The following APOBEC3D variants were observed in gnomAD, a reference collection of about 807,000 sequenced individuals.
The protein encoded by APOBEC3D is apolipoprotein B mRNA editing enzyme catalytic subunit 3D, also known as DNA dC->dU-editing enzyme APOBEC-3D.
APOBEC3D carries 37 observed loss-of-function variants against 45.6 expected under a neutral mutation model. The ratio of observed to expected loss-of-function variants is 0.81; its 90% CI spans 0.62 to 1.07. The LOEUF is 1.07. Ranked by LOEUF, APOBEC3D falls within the 50% of genes least tolerant of loss-of-function variation. The pLI is 0.00. For missense variants in APOBEC3D, 496 were observed against 495.3 expected, an observed-to-expected ratio of 1.00 and a Z score of -0.01; for synonymous variants, 175 against 180.7, an observed-to-expected ratio of 0.97 and a Z score of 0.25.
intron 6 of APOBEC3D, 43 bp downstream of exon 6, chr22:39,032,016 G>A (rs1569061521): frequency 1.9e-6 from 3 of 1,610,100 alleles, no homozygotes; most frequent in African/African-American, 1.3e-5. Context: ...GGGAGGGACA[G>A]CATGAGGGGC....
At chr22:39,024,348 C>A (rs1288347507) in intron 2 of APOBEC3D, among the ~76,000 whole-genome samples, 8 of 152,122 alleles carry the variant, frequency 5.3e-5, no homozygotes, top group Non-Finnish European at 1.0e-4. Context: ...AAGGCGGACC[C>A]CAGAGGGCCA....
chr22:39,025,587 G>A lies in APOBEC3D; in HGVS notation c.521G>A (p.Cys174Tyr), dbSNP rs201373761. 4.8e-5 allele frequency: 78 copies of A among 1,614,118 alleles called. No homozygotes were observed. The East Asian group carries it at 6.5e-4, about 13-fold the overall frequency. Reference sequence around the variant, plus strand: ...GCATACTGCTGGGAAAACTTTGTGTGCAATGAAGGTCAGCCATTCATGCCT... The same window carrying A: ...GCATACTGCTGGGAAAACTTTGTGTACAATGAAGGTCAGCCATTCATGCCT... ...DFAYCWENFV[C>Y]NEGQPFMPWY... The change falls in exon 4 of 7, where the codon TGC becomes TAC. Residue 174 changes from cysteine to tyrosine, a missense_variant. Physicochemically the swap from Cys to Tyr is radical, Grantham distance 194 (BLOSUM62 -2). Coordinates refer to ENST00000216099, the MANE Select transcript of APOBEC3D (RefSeq NM_152426.4).
Position 39,032,258 on chromosome 22 carries a change from A to C in APOBEC3D, c.1103A>C (p.Lys368Thr). ...GATGATGAGCCATTCAAGCCTTGGA[A>C]GGGACTACAAACCAACTTTCGACTT... The part of the protein sequence containing the change: ...YSDDEPFKPW[K>T]GLQTNFRLLK... Residue 368 changes from lysine (K) to threonine (T), a missense_variant, in exon 7 of 7, where the codon AAG (lysine) becomes ACG (threonine). Coordinates refer to ENST00000216099, the MANE Select transcript of APOBEC3D (RefSeq NM_152426.4). 1 of 1,614,176 alleles carries C rather than the reference A, an allele frequency of 6.2e-7. No homozygotes were observed.
At position 39,025,377 on chromosome 22, in the gene APOBEC3D, T is replaced by C. The variant is rs184060031; in HGVS notation, c.490+28T>C. The C allele has an allele frequency of 2.8e-3, 4,492 of 1,612,332 alleles. 14 individuals are homozygous for C. The highest frequency in any genetic ancestry group is 3.5e-3 in the Non-Finnish European group (4,071 of 1,178,878). On this transcript the variant is annotated intron_variant, in intron 3 of 6. Transcript: ENST00000216099. ...GAGAGGTGCAGGGGTCAGGGGAGCA[T>C]GACGGGGAGGAACAGCCTCAGAGAT...
At position 39,032,190 on chromosome 22, in the gene APOBEC3D, T is replaced by C; in HGVS notation, c.1043-8T>C. 1 of 1,613,642 alleles carries C rather than the reference T, an allele frequency of 6.2e-7. No homozygotes were observed. Among genetic ancestry groups the C allele is most frequent in the Non-Finnish European group, 8.5e-7 (1 of 1,179,718 alleles). ...GCCCTCACTGCTTTCTCCTTGTTTT[T>C]TTCTCAGATTTTGTATCTTGTTGGA... is the stretch of plus-strand genomic sequence containing the variant. On this transcript the variant is annotated splice_region_variant and splice_polypyrimidine_tract_variant and intron_variant, in intron 6 of 6. Transcript: ENST00000216099.
chr22:39,023,758 C>T (rs374795753), intron 2 of APOBEC3D, among the ~76,000 whole-genome samples: 4 of 152,018 alleles, frequency 2.6e-5, no homozygotes, highest in East Asian at 1.9e-4. Context: ...CTCCACTTCC[C>T]ACATTTCTTA....
At chr22:39,026,552 C>A (rs558010607) in intron 4 of APOBEC3D, among the ~76,000 whole-genome samples, 1 of 152,118 alleles carries the variant, frequency 6.6e-6, no homozygotes, top group Non-Finnish European at 1.5e-5. Flanking sequence ...CAGGGGTCCC[C>A]GTTCTGTGTG....
chr22:39,023,449 C>CT (rs202241274), intron 2 of APOBEC3D, among the ~76,000 whole-genome samples: 44,752 of 133,872 alleles, frequency 0.33, 8,136 homozygotes, highest in Middle Eastern at 0.41. Flanking sequence ...TTCTTTCTTT[C>CT]TTTTTTTTTT....
At chr22:39,027,417 G>A (rs1925783651) in intron 4 of APOBEC3D, among the ~76,000 whole-genome samples, 1 of 152,152 alleles carries the variant, frequency 6.6e-6, no homozygotes, top group African/African-American at 2.4e-5. Flanking sequence ...GGGCGTCCCT[G>A]GGATGATTCC....
chr22:39,026,016 G>T (rs1486444966), intron 4 of APOBEC3D, among the ~76,000 whole-genome samples: 10 of 152,298 alleles, frequency 6.6e-5, no homozygotes, highest in East Asian at 5.8e-4. Context: ...GGCATGAATA[G>T]TCACAAGCCC....
At chr22:39,032,091 C>T (rs73887535) in intron 6 of APOBEC3D, 107 bp from the exon 7 acceptor site, 11 of 1,580,924 alleles carry the variant, frequency 7.0e-6, no homozygotes, top group East Asian at 4.5e-5. Flanking sequence ...ATGGGGCCGG[C>T]GCCAGCTGCA....
At chr22:39,022,392 G>T (rs1925206051) in intron 1 of APOBEC3D, among the ~76,000 whole-genome samples, 1 of 150,826 alleles carries the variant, frequency 6.6e-6, no homozygotes, top group Non-Finnish European at 1.5e-5. Context: ...TTAGAAGAGA[G>T]GCCTGGGCCT....
intron 5 of APOBEC3D, among the ~76,000 whole-genome samples, chr22:39,030,992 C>A (rs552696353): frequency 6.6e-6 from 1 of 152,100 alleles, no homozygotes; most frequent in African/African-American, 2.4e-5. Context: ...ATGGTGAAAC[C>A]CTGTCTCTAC....
rs1925500031 is a variant in APOBEC3D at position 39,025,106 on chromosome 22, T to C, written c.247T>C (p.Phe83Leu). 2 of 1,595,010 alleles carry C rather than the reference T, an allele frequency of 1.3e-6. No individual in the cohort carries two copies. Among genetic ancestry groups the C allele is most frequent in the African/African-American group, 1.3e-5 (1 of 74,390 alleles). ...FRFENHAEMC[F>L]LSWFCGNRLP... The stretch of plus-strand genomic sequence containing the variant: ...GTTTGAGAACCACGCAGAAATGTGC[T>C]TCTTATCTTGGTTCTGTGGCAACCG... Residue 83 changes from phenylalanine (F) to leucine (L), a missense_variant, in exon 3 of 7, where the codon TTC becomes CTC. Transcript: ENST00000216099.
At chr22:39,021,797 C>T (rs533664689) in intron 1 of APOBEC3D, among the ~76,000 whole-genome samples, 51 of 152,356 alleles carry the variant, frequency 3.3e-4, no homozygotes, top group African/African-American at 9.1e-4. Context: ...CATGGCCAGG[C>T]CGGTGCTCCC....
intron 4 of APOBEC3D, among the ~76,000 whole-genome samples, chr22:39,028,334 G>C (rs1283616911): frequency 6.6e-6 from 1 of 152,264 alleles, no homozygotes; most frequent in African/African-American, 2.4e-5. Flanking sequence ...GCGATGCAGA[G>C]GCTGGACAGG....
At chr22:39,027,026 C>A (rs1267635156) in intron 4 of APOBEC3D, among the ~76,000 whole-genome samples, 1 of 152,036 alleles carries the variant, frequency 6.6e-6, no homozygotes, top group African/African-American at 2.4e-5. Context: ...GCTAGGAGCT[C>A]TCCAGGAAGC....
In APOBEC3D at chr22:39,021,186, C is replaced by T. The variant is rs1286686013; in HGVS notation, c.-334C>T. 19 of 253,660 alleles carry T rather than the reference C, an allele frequency of 7.5e-5. No individual in the cohort carries two copies. Among genetic ancestry groups the T allele is most frequent in the African/African-American group, 3.8e-4 (17 of 44,578 alleles). The allele number at this position is 253,660 out of a possible 1,614,324, so 15.7% of individuals were successfully genotyped here. On this transcript the variant is annotated 5_prime_UTR_variant, in exon 1 of 7. Coordinates refer to ENST00000216099, the MANE Select transcript of APOBEC3D (RefSeq NM_152426.4). ...GCAGTGGCAGGAACTTGGCTCACTGCAACCTCCGCTTCCCAGGTTCAAGTG... is the reference window on the plus strand; with the variant it reads ...GCAGTGGCAGGAACTTGGCTCACTGTAACCTCCGCTTCCCAGGTTCAAGTG...
intron 6 of APOBEC3D, 36 bp from the exon 7 acceptor site, chr22:39,032,162 T>A (rs1926291191): frequency 1.2e-6 from 2 of 1,609,030 alleles, no homozygotes; most frequent in Non-Finnish European, 1.7e-6. Flanking sequence ...AGAGGCTTGC[T>A]GGGCCCTCAC....
Sources: gnomAD v4.1 joint callset for allele counts (sites outside exome capture counted in the v4.1 genomes callset) on GRCh38, gnomAD v4.1.1 for gene constraint, MANE v1.5 for transcripts, NCBI Gene and HGNC (gene_info 2026-07-23, HGNC 2026-07-21) for gene names.